Variants in PARD3 observed in about 807,000 individuals in gnomAD.
PARD3 encodes par-3 family cell polarity regulator.
Under a neutral mutation model 155.4 loss-of-function variants are expected in PARD3, and 75 were observed. The observed-to-expected ratio is 0.48, with a 90% confidence interval of 0.40 to 0.58. PARD3 has a LOEUF of 0.58. Among genes scored for constraint, PARD3 ranks in the 20% least tolerant of loss-of-function variants. PARD3 has a pLI of 0.00. For synonymous variants in PARD3, 576 were observed against 610.5 expected, an observed-to-expected ratio of 0.94 and a Z score of 0.83; for missense variants, 1,642 against 1,721.7, an observed-to-expected ratio of 0.95 and a Z score of 0.82.
At chr10:34,460,650 G>A (rs1406776803) in intron 4 of PARD3, among the ~76,000 whole-genome samples, 9 of 151,988 alleles carry the variant, frequency 5.9e-5, no homozygotes, top group African/African-American at 2.2e-4. Context: ...TGACTAACAC[G>A]GTGAAACCCC....
Position 34,111,289 on chromosome 10 carries a change from C to G in PARD3, c.3942G>C (p.Gln1314His), listed in dbSNP as rs748409183. The change falls in exon 25 of 25, where the codon CAG (glutamine) becomes CAC (histidine). Residue 1314 changes from glutamine to histidine, a missense_variant. Coordinates refer to ENST00000374788, the MANE Select transcript of PARD3 (RefSeq NM_001184785.2). Reference sequence around the variant, plus strand: ...CCTTGGGAGGGGCGTAACTGGGGTCCTGGACTTTCTTATACGAGTCATAGT... The same window carrying G: ...CCTTGGGAGGGGCGTAACTGGGGTCGTGGACTTTCTTATACGAGTCATAGT... The part of the protein sequence containing the change: ...PSNYDSYKKV[Q>H]DPSYAPPKGP... 5.0e-6 allele frequency: 8 copies of G among 1,613,898 alleles called. No homozygotes were observed. In the East Asian group the frequency reaches 1.8e-4, roughly 36 times the overall value.
At chr10:34,788,669 C>T (rs1841280008) in intron 1 of PARD3, among the ~76,000 whole-genome samples, 1 of 152,138 alleles carries the variant, frequency 6.6e-6, no homozygotes, top group African/African-American at 2.4e-5. Flanking sequence ...AGGACGGTCT[C>T]GATCTCTTGT....
chr10:34,360,407 C>T (rs1839330505), intron 12 of PARD3, 148 bp from the exon 13 acceptor site: 1 of 563,390 alleles, frequency 1.8e-6, no homozygotes, highest in South Asian at 2.8e-5. Flanking sequence ...GAAAACACTA[C>T]ATCTGCACCC....
intron 3 of PARD3, among the ~76,000 whole-genome samples, chr10:34,509,736 C>T (rs764433469): frequency 6.6e-6 from 1 of 152,090 alleles, no homozygotes; most frequent in Non-Finnish European, 1.5e-5. Flanking sequence ...TCCTGAATAG[C>T]TCTTCTGCTT....
chr10:34,715,764 G>A (rs528408008), intron 1 of PARD3, among the ~76,000 whole-genome samples: 1 of 152,190 alleles, frequency 6.6e-6, no homozygotes, highest in Non-Finnish European at 1.5e-5. Flanking sequence ...CACGGAACAA[G>A]ATGCAGGGTC....
intron 17 of PARD3, 62 bp downstream of exon 17, chr10:34,337,213 C>A: frequency 9.5e-7 from 1 of 1,048,622 alleles, no homozygotes; most frequent in Non-Finnish European, 1.3e-6. Context: ...TTGGGACCAT[C>A]AATTTTATCC....
chr10:34,349,579 GTAA>G (rs1386209950), intron 14 of PARD3, among the ~76,000 whole-genome samples: 1 of 11,354 alleles, frequency 8.8e-5, no homozygotes, highest in Non-Finnish European at 1.5e-4. Flanking sequence ...CTCTGGGAAA[GTAA>G]AAAAAAAAAA....
At chr10:34,603,702 G>C (rs934657092) in intron 2 of PARD3, among the ~76,000 whole-genome samples, 1 of 152,138 alleles carries the variant, frequency 6.6e-6, no homozygotes, top group Non-Finnish European at 1.5e-5. Flanking sequence ...ATTAGACAGG[G>C]AGTAGAAGGA....
chr10:34,464,356 C>CAA (rs1337576555), intron 4 of PARD3, among the ~76,000 whole-genome samples: 2 of 152,154 alleles, frequency 1.3e-5, no homozygotes, highest in Non-Finnish European at 2.9e-5. Flanking sequence ...CCACCACCCT[C>CAA]AAGCCTCACT....
intron 22 of PARD3, among the ~76,000 whole-genome samples, chr10:34,210,120 C>T (rs912842550): frequency 6.6e-6 from 1 of 152,092 alleles, no homozygotes; most frequent in Non-Finnish European, 1.5e-5. Context: ...CAATGCGAGG[C>T]CAGGACTAAG....
chr10:34,605,183 T>A (rs890568342), intron 2 of PARD3, among the ~76,000 whole-genome samples: 2,984 of 20,684 alleles, frequency 0.14, 200 homozygotes, highest in African/African-American at 0.26. Flanking sequence ...AAATGAAATT[T>A]TTTTTTTTTT....
intron 20 of PARD3, among the ~76,000 whole-genome samples, chr10:34,316,017 G>T (rs577681825): frequency 1.3e-5 from 2 of 152,124 alleles, no homozygotes; most frequent in South Asian, 4.1e-4. Context: ...GACTTTCCAG[G>T]TCTGACTTAT....
chr10:34,146,594 AT>A (rs1206117508), intron 22 of PARD3, among the ~76,000 whole-genome samples: 1 of 152,190 alleles, frequency 6.6e-6, no homozygotes, highest in Non-Finnish European at 1.5e-5. Context: ...TGTGATGAAA[AT>A]CACAGTTTGG....
chr10:34,803,070 GAA>G (rs34342941), intron 1 of PARD3, among the ~76,000 whole-genome samples: 13 of 102,628 alleles, frequency 1.3e-4, no homozygotes, highest in Non-Finnish European at 1.6e-4. Context: ...TACTAAAAAT[GAA>G]AAAAAAAAAA....
chr10:34,376,786 TGAAACTATAA>T (rs1841295850), intron 10 of PARD3, among the ~76,000 whole-genome samples: 1 of 122,816 alleles, frequency 8.1e-6, no homozygotes, highest in African/African-American at 4.7e-5. Context: ...AAACCATATA[TGAAACTATAA>T]GAAAAAAGGA....
At chr10:34,780,907 G>A (rs1192602004) in intron 1 of PARD3, among the ~76,000 whole-genome samples, 2 of 152,176 alleles carry the variant, frequency 1.3e-5, no homozygotes, top group African/African-American at 2.4e-5. Flanking sequence ...GAAACTCAAC[G>A]TGAAAGCTAA....
chr10:34,382,894 G>C lies in PARD3; in HGVS notation c.1045C>G (p.Arg349Gly), dbSNP rs201536019. Reference sequence around the variant, plus strand: ...ACATGGAACCAAATGATGGGTGTACGCATGGCTTGGCGAAACATATGTTGT... The same window carrying C: ...ACATGGAACCAAATGATGGGTGTACCCATGGCTTGGCGAAACATATGTTGT... Reference protein sequence around the residue: ...QAQHMFRQAMRTPIIWFHVVP... With the variant: ...QAQHMFRQAMGTPIIWFHVVP... Residue 349 changes from arginine (R) to glycine (G), a missense_variant, in exon 9 of 25, where the codon CGT becomes GGT. Physicochemically the swap from Arg to Gly is moderately radical, Grantham distance 125. This residue lies in a region of PARD3 where 1,529 missense variants were observed against 1,587.3 expected (regional missense o/e 0.96). Transcript: ENST00000374788. The C allele has an allele frequency of 6.2e-7, 1 of 1,614,040 alleles. No individual in the cohort carries two copies.
intron 2 of PARD3, among the ~76,000 whole-genome samples, chr10:34,533,907 A>G (rs1173016558): frequency 6.6e-6 from 1 of 152,164 alleles, no homozygotes; most frequent in African/African-American, 2.4e-5. Flanking sequence ...AGAAATGGCA[A>G]AACAGTCCTT....
intron 9 of PARD3, among the ~76,000 whole-genome samples, chr10:34,381,846 C>T (rs957530350): frequency 3.1e-5 from 4 of 131,044 alleles, no homozygotes; most frequent in South Asian, 2.5e-4. Context: ...TGGGGTGTTG[C>T]GGGCTACGGT....
Sources: gnomAD v4.1 joint callset for allele counts (sites outside exome capture counted in the v4.1 genomes callset) on GRCh38, gnomAD v4.1.1 for gene constraint, gnomAD v4.1.1 regional missense constraint, MANE v1.5 for transcripts, NCBI Gene and HGNC (gene_info 2026-07-23, HGNC 2026-07-21) for gene names.